Variants in MLF1 observed in about 807,000 individuals in gnomAD.
MLF1 encodes myeloid leukemia factor 1, also known as myelodysplasia-myeloid leukemia factor 1.
In MLF1, 37 loss-of-function variants were observed where a neutral mutation model predicts 38.3. The observed-to-expected ratio is 0.96, with a 90% CI of 0.74 to 1.27. The LOEUF is 1.27. Ranked by LOEUF, MLF1 falls within the 50% of genes most tolerant of loss-of-function variation. The pLI is 0.00. For missense variants in MLF1, 331 were observed against 349.2 expected (o/e 0.95, Z 0.42); for synonymous variants, 95 against 106.5 (o/e 0.89, Z 0.66).
rs1718448740 is a variant in MLF1 at position 158,593,396 on chromosome 3, T to C, written c.210T>C (p.Ser70=). 6.4e-7 allele frequency: 1 copy of C among 1,560,470 alleles called. No homozygotes were observed. The highest frequency in any genetic ancestry group is 1.3e-5 in the African/African-American group (1 of 74,414). The part of the protein sequence containing the change: ...GEDSLTATSC[S]LVPFGDFGGM... ...TATTTTTCCAGGCAACGAGTTGTTC[T>C]CTTGTGCCTTTTGGCGATTTTGGTG... The change falls in exon 3 of 8, where the codon TCT becomes TCC. Residue 70 remains serine (S), a synonymous_variant. Transcript: ENST00000466246.
At chr3:158,590,340 G>A (rs1379155124) in intron 1 of MLF1, among the ~76,000 whole-genome samples, 1 of 152,072 alleles carries the variant, frequency 6.6e-6, no homozygotes, top group Non-Finnish European at 1.5e-5. Context: ...ATTTCACCAA[G>A]AATGCAGTGC....
intron 5 of MLF1, 45 bp downstream of exon 5, chr3:158,598,253 A>T (rs771743515): frequency 6.5e-7 from 1 of 1,545,896 alleles, no homozygotes; most frequent in Non-Finnish European, 8.8e-7. Flanking sequence ...AAGTTAGGGG[A>T]TGATAGACTG....
chr3:158,593,495 A>G (rs1718464254), intron 3 of MLF1, 69 bp downstream of exon 3: 3 of 1,286,336 alleles, frequency 2.3e-6, no homozygotes, highest in Admixed American at 2.2e-5. Flanking sequence ...CATTAACTCA[A>G]GCTGACTGAA....
At chr3:158,596,014 A>G (rs1718820529) in intron 3 of MLF1, among the ~76,000 whole-genome samples, 2 of 152,072 alleles carry the variant, frequency 1.3e-5, no homozygotes, top group Non-Finnish European at 2.9e-5. Flanking sequence ...AAGTTTCTCA[A>G]CCTCAGCCCT....
At chr3:158,585,216 G>A (rs532144989) in intron 1 of MLF1, among the ~76,000 whole-genome samples, 23 of 152,154 alleles carry the variant, frequency 1.5e-4, no homozygotes, top group South Asian at 1.5e-3. Flanking sequence ...CTCCCTGGAG[G>A]TTAGGGTGAG....
intron 7 of MLF1, among the ~76,000 whole-genome samples, chr3:158,603,485 G>T (rs1720091265): frequency 6.6e-6 from 1 of 152,146 alleles, no homozygotes; most frequent in African/African-American, 2.4e-5. Flanking sequence ...GCTTCTTTTA[G>T]AATTCCCTTT....
intron 1 of MLF1, among the ~76,000 whole-genome samples, chr3:158,591,320 C>T (rs1167833429): frequency 4.6e-5 from 7 of 151,952 alleles, no homozygotes; most frequent in Middle Eastern, 3.4e-3. Flanking sequence ...TCACCACACC[C>T]GGCTAATTTT....
Position 158,606,271 on chromosome 3 carries a change from G to C in MLF1, c.*1069G>C, listed in dbSNP as rs1201896639. ...CTCACATTTGTTGTTTAATATTTCT[G>C]TCAAGGAAAAAAGCCCCCAAAAATT... On this transcript the variant is annotated 3_prime_UTR_variant, in exon 8 of 8. Transcript: ENST00000466246. The C allele has an allele frequency of 5.7e-6, 1 of 174,872 alleles. No individual in the cohort carries two copies. Among genetic ancestry groups the C allele is most frequent in the Non-Finnish European group, 1.2e-5 (1 of 81,044 alleles). 10.8% of individuals were successfully genotyped at this position (174,872 alleles called of 1,614,324 possible). A position where few individuals can be genotyped will look rare whatever the true frequency, so the allele number is the denominator to read the frequency against.
intron 1 of MLF1, among the ~76,000 whole-genome samples, chr3:158,590,582 A>G (rs1001982461): frequency 7.2e-5 from 11 of 152,346 alleles, no homozygotes; most frequent in Admixed American, 6.5e-4. Flanking sequence ...TGAAATAGAG[A>G]ACAACATGGA....
At chr3:158,575,568 C>T (rs1274432800) in intron 1 of MLF1, among the ~76,000 whole-genome samples, 1 of 152,124 alleles carries the variant, frequency 6.6e-6, no homozygotes, top group Non-Finnish European at 1.5e-5. Context: ...GTGACAAACT[C>T]CTTAATGAAT....
intron 1 of MLF1, among the ~76,000 whole-genome samples, chr3:158,585,037 GAA>G (rs59014137): frequency 0.28 from 24,858 of 88,414 alleles, 3,517 homozygotes; most frequent in African/African-American, 0.48. Flanking sequence ...GACTCTGTCT[GAA>G]AAAAAAAAAA....
intron 1 of MLF1, among the ~76,000 whole-genome samples, chr3:158,573,041 T>A (rs1490554183): frequency 6.6e-6 from 1 of 151,622 alleles, no homozygotes; most frequent in Non-Finnish European, 1.5e-5. Flanking sequence ...AAACTTATGG[T>A]GAGAATTATG....
intron 1 of MLF1, among the ~76,000 whole-genome samples, chr3:158,583,403 T>G (rs1430032375): frequency 6.6e-6 from 1 of 151,786 alleles, no homozygotes; most frequent in Non-Finnish European, 1.5e-5. Flanking sequence ...TCCAGAACTG[T>G]GAGACAGTAA....
intron 1 of MLF1, among the ~76,000 whole-genome samples, chr3:158,575,877 A>G (rs1480815709): frequency 3.9e-5 from 6 of 152,158 alleles, no homozygotes; most frequent in Admixed American, 6.5e-5. Context: ...ATTGTTCACA[A>G]TCAAGGTTAT....
At chr3:158,604,056 C>T (rs1185387997) in intron 7 of MLF1, among the ~76,000 whole-genome samples, 1 of 152,164 alleles carries the variant, frequency 6.6e-6, no homozygotes, top group Non-Finnish European at 1.5e-5. Context: ...ACAGAACTAG[C>T]AGTGGACAAG....
chr3:158,600,605 A>G (rs192030726), intron 6 of MLF1, among the ~76,000 whole-genome samples: 14 of 151,688 alleles, frequency 9.2e-5, no homozygotes, highest in Admixed American at 2.6e-4. Flanking sequence ...TCAAATTATT[A>G]TTCTACTTTT....
In MLF1 at chr3:158,592,592, T is replaced by C. The variant is rs760275962; in HGVS notation, c.195+11T>C. ...GAAGATTCTTTGACTGTAAGTTCTT[T>C]TTTTTAAGACAGTTAGTGAGAAGGC... On this transcript the variant is annotated intron_variant, in intron 2 of 7. Transcript: ENST00000466246. 38 of 1,580,100 alleles carry C rather than the reference T, an allele frequency of 2.4e-5. No individual in the cohort carries two copies. The Admixed American group carries it at 2.7e-4, about 11-fold the overall frequency.
chr3:158,578,640 A>G (rs1041482334), intron 1 of MLF1, among the ~76,000 whole-genome samples: 2 of 152,208 alleles, frequency 1.3e-5, no homozygotes, highest in South Asian at 2.1e-4. Context: ...CTGCCTTGTG[A>G]TATATGCTGA....
At chr3:158,597,971 GT>G (rs1719137064) in intron 4 of MLF1, 108 bp from the exon 5 acceptor site, 6 of 1,187,126 alleles carry the variant, frequency 5.1e-6, no homozygotes, top group Non-Finnish European at 7.3e-6. Flanking sequence ...CATATTGGTA[GT>G]TTAGTATCCT....
Sources: allele counts gnomAD v4.1 joint callset (sites outside exome capture counted in the v4.1 genomes callset), GRCh38; gene constraint gnomAD v4.1.1; transcripts MANE v1.5; gene names NCBI Gene and HGNC (gene_info 2026-07-23, HGNC 2026-07-21).